The following SPEF2 variants were observed in gnomAD, a reference collection of about 807,000 sequenced individuals.
SPEF2 encodes the protein sperm flagella and cilia-associated protein 2.
In SPEF2, 187 loss-of-function variants were observed where a neutral mutation model predicts 224.6. The observed-to-expected ratio is 0.83, with a 90% CI of 0.74 to 0.94. The LOEUF is 0.94. Among genes scored for constraint, SPEF2 ranks in the 40% least tolerant of loss-of-function variants. The probability of loss-of-function intolerance (pLI) is 0.00; values close to 1 mark genes in which losing one functional copy is unlikely to be tolerated. For missense variants in SPEF2, 2,170 were observed against 2,135.6 expected, an observed-to-expected ratio of 1.02 and a Z score of -0.32; for synonymous variants, 715 against 707.3, an observed-to-expected ratio of 1.01 and a Z score of -0.17.
chr5:35,776,314 A>G lies in SPEF2; in HGVS notation c.4136A>G (p.Glu1379Gly). Reference sequence around the variant, plus strand: ...AAGACAAAAGCATTGGCTCTTCTTGAAGATTTAGTAACAAAGGTGGTTGAT... The same window carrying G: ...AAGACAAAAGCATTGGCTCTTCTTGGAGATTTAGTAACAAAGGTGGTTGAT... ...LIKTKALALL[E>G]DLVTKVVDVY... The change falls in exon 29 of 37, where the codon GAA becomes GGA. Residue 1379 changes from glutamate to glycine, a missense_variant. Glu to Gly is a moderately conservative substitution (Grantham distance 98). Coordinates refer to ENST00000356031, the MANE Select transcript of SPEF2 (RefSeq NM_024867.4). 6.2e-7 allele frequency: 1 copy of G among 1,612,756 alleles called. No homozygotes were observed. Among genetic ancestry groups the G allele is most frequent in the Non-Finnish European group, 8.5e-7 (1 of 1,179,394 alleles).
intron 32 of SPEF2, 44 bp from the exon 33 acceptor site, chr5:35,795,659 C>A: frequency 6.4e-7 from 1 of 1,566,214 alleles, no homozygotes. Context: ...AACATCTCAG[C>A]AAAATACATA....
intron 25 of SPEF2, among the ~76,000 whole-genome samples, chr5:35,760,725 C>T (rs1751163887): frequency 6.6e-6 from 1 of 152,236 alleles, no homozygotes; most frequent in South Asian, 2.1e-4. Flanking sequence ...AGATCCCAAA[C>T]GCTGAGAAAT....
chr5:35,807,915 C>T, intron 36 of SPEF2: 2 of 1,432,850 alleles, frequency 1.4e-6, no homozygotes, highest in Non-Finnish European at 9.1e-7. Context: ...CCCTTTCATA[C>T]TGTAGCACTA....
In SPEF2 at chr5:35,686,285, AATAGGTT is replaced by A. The variant is rs559617476; in HGVS notation, c.1525-4748_1525-4742del. On this transcript the variant is annotated intron_variant, in intron 10 of 36. Transcript: ENST00000356031. ...TTTTTGAAGTTTGAATAGTTTAATAAATAGGTTATATGTACTAATTCCAAATAATCTT... is the reference window on the plus strand; with the variant it reads ...TTTTTGAAGTTTGAATAGTTTAATAAATATGTACTAATTCCAAATAATCTT... 9.3e-3 allele frequency among the ~76,000 whole-genome samples: 1,416 copies of A among 152,196 alleles called. 25 individuals are homozygous for A. Among genetic ancestry groups the A allele is most frequent in the African/African-American group, 0.033 (1,368 of 41,542 alleles).
chr5:35,710,170 A>C (rs1390246174), intron 19 of SPEF2: 1 of 984,818 alleles, frequency 1.0e-6, no homozygotes, highest in Non-Finnish European at 1.2e-6. Context: ...GACATGAATT[A>C]AACATACACC....
intron 20 of SPEF2, among the ~76,000 whole-genome samples, chr5:35,725,856 C>A (rs915577114): frequency 3.3e-5 from 5 of 151,676 alleles, no homozygotes; most frequent in Non-Finnish European, 5.9e-5. Flanking sequence ...GTTCTTACAA[C>A]AAAAAAAATT....
chr5:35,803,397 C>A (rs1257375138), intron 34 of SPEF2, among the ~76,000 whole-genome samples: 2 of 152,196 alleles, frequency 1.3e-5, no homozygotes, highest in Admixed American at 6.5e-5. Context: ...ACCCGGGAAG[C>A]AGCTCTCCTT....
At chr5:35,805,779 T>C (rs1026504678) in intron 34 of SPEF2, among the ~76,000 whole-genome samples, 1 of 152,186 alleles carries the variant, frequency 6.6e-6, no homozygotes, top group African/African-American at 2.4e-5. Flanking sequence ...AGAATAGATA[T>C]ATAAGCAAAC....
intron 30 of SPEF2, among the ~76,000 whole-genome samples, chr5:35,784,558 C>A (rs1250557191): frequency 6.6e-6 from 1 of 152,184 alleles, no homozygotes; most frequent in Non-Finnish European, 1.5e-5. Context: ...CTAGCTATTG[C>A]TGCCTATGTG....
intron 29 of SPEF2, among the ~76,000 whole-genome samples, chr5:35,777,737 A>C (rs1753792740): frequency 6.6e-6 from 1 of 151,628 alleles, no homozygotes; most frequent in South Asian, 2.1e-4. Flanking sequence ...TTTGACCTTC[A>C]AATCCTGTTC....
chr5:35,730,378 G>A (rs536261792), intron 21 of SPEF2, among the ~76,000 whole-genome samples: 33 of 152,312 alleles, frequency 2.2e-4, no homozygotes, highest in African/African-American at 7.0e-4. Flanking sequence ...GCCATGCCTC[G>A]GGCCATGTGG....
intron 30 of SPEF2, among the ~76,000 whole-genome samples, chr5:35,785,793 G>A (rs546913509): frequency 1.4e-3 from 213 of 150,632 alleles, no homozygotes; most frequent in Non-Finnish European, 2.4e-3. Context: ...TCCTAGGCTC[G>A]TGATCCTCCC....
chr5:35,719,271 A>G (rs1051193387), intron 20 of SPEF2, among the ~76,000 whole-genome samples: 2 of 152,212 alleles, frequency 1.3e-5, no homozygotes, highest in Admixed American at 1.3e-4. Flanking sequence ...AAAACAACTA[A>G]TGACTTGAGA....
intron 20 of SPEF2, among the ~76,000 whole-genome samples, chr5:35,724,783 C>T (rs1295186206): frequency 1.3e-5 from 2 of 152,086 alleles, no homozygotes; most frequent in Admixed American, 6.6e-5. Flanking sequence ...GGGTCTGGCT[C>T]AGAATAAACT....
At chr5:35,697,072 G>A (rs190866966) in intron 14 of SPEF2, among the ~76,000 whole-genome samples, 3 of 152,238 alleles carry the variant, frequency 2.0e-5, no homozygotes, top group African/African-American at 7.2e-5. Context: ...TTTTAGCAGG[G>A]TTTGGAATAG....
At chr5:35,781,678 G>A (rs1754363762) in intron 30 of SPEF2, 1 of 152,178 alleles carries the variant, frequency 6.6e-6, no homozygotes, top group Non-Finnish European at 1.5e-5. Flanking sequence ...GGTAGGATTT[G>A]GGGATTGTGA....
At chr5:35,724,658 G>T (rs1394596875) in intron 20 of SPEF2, among the ~76,000 whole-genome samples, 1 of 152,134 alleles carries the variant, frequency 6.6e-6, no homozygotes, top group Non-Finnish European at 1.5e-5. Flanking sequence ...CCTCTGGCAA[G>T]TTACTGTACC....
chr5:35,695,136 T>C lies in SPEF2; in HGVS notation c.1976-599T>C, dbSNP rs544393783. Among the ~76,000 whole-genome samples the C allele has an allele frequency of 3.3e-5, 5 of 152,294 alleles. No homozygotes were observed. The South Asian group carries it at 1.0e-3, about 32-fold the overall frequency. ...GCCTTTCTTAAGAGGACACTATCTGTCCCTTATTCCTGTTATCTGTTTCTT... is the reference window on the plus strand; with the variant it reads ...GCCTTTCTTAAGAGGACACTATCTGCCCCTTATTCCTGTTATCTGTTTCTT... On this transcript the variant is annotated intron_variant, in intron 13 of 36. Transcript: ENST00000356031.
At chr5:35,646,581 A>C (rs140685859) in intron 4 of SPEF2, 86 bp from the exon 5 acceptor site, 3 of 1,336,014 alleles carry the variant, frequency 2.2e-6, no homozygotes, top group East Asian at 2.4e-5. Context: ...TCAATAGATA[A>C]ATTTTATATA....
Sources: gnomAD v4.1 joint callset for allele counts (sites outside exome capture counted in the v4.1 genomes callset) on GRCh38, gnomAD v4.1.1 for gene constraint, MANE v1.5 for transcripts, NCBI Gene and HGNC (gene_info 2026-07-23, HGNC 2026-07-21) for gene names.